Variants in PCDHA1 observed in about 807,000 individuals in gnomAD.
PCDHA1 encodes protocadherin alpha 1.
In PCDHA1, 42 loss-of-function variants were observed where a neutral mutation model predicts 61.3. The ratio of observed to expected loss-of-function variants is 0.69; its 90% CI spans 0.54 to 0.89. The LOEUF (loss-of-function observed/expected upper bound fraction) is 0.89, where lower values mean the gene tolerates loss of function less well. Ranked by LOEUF, PCDHA1 falls within the 40% of genes least tolerant of loss-of-function variation. The pLI is 0.00. For synonymous variants in PCDHA1, 610 were observed against 553.8 expected, an observed-to-expected ratio of 1.10 and a Z score of -1.43; for missense variants, 1,256 against 1,235.3, an observed-to-expected ratio of 1.02 and a Z score of -0.25.
chr5:140,886,558 T>G (rs535461538), intron 1 of PCDHA1, among the ~76,000 whole-genome samples: 1 of 152,202 alleles, frequency 6.6e-6, no homozygotes, highest in South Asian at 2.1e-4. Flanking sequence ...CTGGGCACGG[T>G]GGCTCACGCC....
At chr5:140,829,216 C>T (rs2150164003) in intron 1 of PCDHA1, 2 of 1,614,120 alleles carry the variant, frequency 1.2e-6, no homozygotes, top group African/African-American at 2.7e-5. Context: ...TTAGCGTGAA[C>T]GACCTCGATT....
chr5:140,793,496 A>G (rs1273355838), intron 1 of PCDHA1, among the ~76,000 whole-genome samples: 1 of 152,244 alleles, frequency 6.6e-6, no homozygotes, highest in African/African-American at 2.4e-5. Context: ...AAAAAAAGCT[A>G]GCTTTTCTTA....
chr5:140,809,916 T>C (rs1444779930), intron 1 of PCDHA1: 1 of 176,006 alleles, frequency 5.7e-6, no homozygotes, highest in Non-Finnish European at 1.2e-5. Flanking sequence ...GCTGAAATAA[T>C]AAAGCTCCAT....
intron 1 of PCDHA1, chr5:140,804,934 T>A: frequency 1.7e-6 from 2 of 1,152,230 alleles, no homozygotes. Flanking sequence ...GCACTATCCT[T>A]TGTTGCTCCC....
intron 1 of PCDHA1, chr5:140,867,978 C>T (rs1283630691): frequency 6.6e-6 from 1 of 152,064 alleles, no homozygotes; most frequent in East Asian, 1.9e-4. Flanking sequence ...CAACAAGAAA[C>T]AAACTATTTT....
At chr5:140,940,611 C>T (rs782735444) in intron 1 of PCDHA1, among the ~76,000 whole-genome samples, 1 of 152,144 alleles carries the variant, frequency 6.6e-6, no homozygotes. Flanking sequence ...CTGCTCCTGG[C>T]TCCTGCAAAT....
intron 1 of PCDHA1, chr5:140,795,048 C>T: frequency 1.2e-6 from 2 of 1,613,822 alleles, no homozygotes; most frequent in Non-Finnish European, 1.7e-6. Flanking sequence ...AGGTGGGGAG[C>T]GGCCAGCTCC....
chr5:140,811,717 T>C (rs1554125800), intron 1 of PCDHA1: 5 of 152,228 alleles, frequency 3.3e-5, no homozygotes, highest in Non-Finnish European at 7.3e-5. Context: ...TGGTATCTCA[T>C]TGTGGTTTTG....
chr5:140,897,349 A>G (rs539353387), intron 1 of PCDHA1, among the ~76,000 whole-genome samples: 33 of 107,320 alleles, frequency 3.1e-4, no homozygotes, highest in African/African-American at 1.0e-3. Flanking sequence ...CCACCCCACA[A>G]CTGTCCCCAG....
At position 140,842,875 on chromosome 5, in the gene PCDHA1, C is replaced by T. The variant is rs2150347019; in HGVS notation, c.2394+54191C>T. ...TGCACACGGAGAGCGGCAAGGTGTA[C>T]GCGCTGCAGCCGCTGGACCACGAGG... is the stretch of plus-strand genomic sequence containing the variant. On this transcript the variant is annotated intron_variant, in intron 1 of 3. Transcript: ENST00000504120. 2.5e-6 allele frequency: 4 copies of T among 1,593,864 alleles called. No homozygotes were observed. In the African/African-American group the frequency reaches 4.0e-5, roughly 16 times the overall value.
intron 1 of PCDHA1, among the ~76,000 whole-genome samples, chr5:140,941,193 TTCTTTCTTC>T (rs1563183581): frequency 8.6e-6 from 1 of 116,638 alleles, no homozygotes; most frequent in Non-Finnish European, 1.8e-5. Flanking sequence ...TTCTTTTTTT[TTCTTTCTTC>T]CTTTCTTTCT....
intron 1 of PCDHA1, among the ~76,000 whole-genome samples, chr5:140,905,373 G>A (rs556428182): frequency 6.6e-6 from 1 of 152,118 alleles, no homozygotes; most frequent in East Asian, 1.9e-4. Context: ...CTGGTTCTCT[G>A]TTCTGTTTCA....
intron 1 of PCDHA1, chr5:140,808,943 G>C: frequency 1.9e-6 from 3 of 1,613,730 alleles, no homozygotes; most frequent in Non-Finnish European, 1.7e-6. Context: ...ATGGTCGGTG[G>C]GTGTGGGCCA....
Position 140,838,464 on chromosome 5 carries a change from C to T in PCDHA1, c.2394+49780C>T, listed in dbSNP as rs2150289742. Among the ~76,000 whole-genome samples the T allele has an allele frequency of 1.1e-4, 16 of 151,566 alleles. 1 individual carries two copies. In the South Asian group the frequency reaches 2.5e-3, roughly 24 times the overall value. ...GTTTTGTGGCATATTATTTCATTAG[C>T]GCTTATTCCTTGTTTTTGATTATTT... is the stretch of plus-strand genomic sequence containing the variant. On this transcript the variant is annotated intron_variant, in intron 1 of 3. Coordinates refer to ENST00000504120, the MANE Select transcript of PCDHA1 (RefSeq NM_018900.4).
At position 140,788,569 on chromosome 5, in the gene PCDHA1, C is replaced by G. The variant is rs782023470; in HGVS notation, c.2279C>G (p.Ser760Cys). ...NSQQRRQRVC[S>C]SEGPPKTDLM... The stretch of plus-strand genomic sequence containing the variant: ...CAGCAGAGGCGGCAGAGGGTGTGCT[C>G]TAGCGAGGGCCCACCCAAGACCGAC... Residue 760 changes from serine (S) to cysteine (C), a missense_variant, in exon 1 of 4, where the codon TCT (serine) becomes TGT (cysteine). Transcript: ENST00000504120. The G allele has an allele frequency of 6.2e-7, 1 of 1,614,176 alleles. No individual in the cohort carries two copies. Among genetic ancestry groups the G allele is most frequent in the Non-Finnish European group, 8.5e-7 (1 of 1,180,002 alleles).
At chr5:140,800,112 C>G (rs552982615) in intron 1 of PCDHA1, among the ~76,000 whole-genome samples, 2 of 152,010 alleles carry the variant, frequency 1.3e-5, no homozygotes, top group African/African-American at 4.8e-5. Context: ...TCATCAAAAA[C>G]GTAATTACTT....
At chr5:140,829,633 C>G in intron 1 of PCDHA1, 1 of 1,612,272 alleles carries the variant, frequency 6.2e-7, no homozygotes, top group Non-Finnish European at 8.5e-7. Context: ...ACGCGGAGAG[C>G]GGCAAGGTGT....
At position 140,822,973 on chromosome 5, in the gene PCDHA1, T is replaced by C. The variant is rs2150120901; in HGVS notation, c.2394+34289T>C. 64 of 1,614,248 alleles carry C rather than the reference T, an allele frequency of 4.0e-5. 1 individual carries two copies. The South Asian group carries it at 6.6e-4, about 17-fold the overall frequency. On this transcript the variant is annotated intron_variant, in intron 1 of 3. Coordinates refer to ENST00000504120, the MANE Select transcript of PCDHA1 (RefSeq NM_018900.4). ...CGTTCCCTTCAAGCTGGTGTCCACC[T>C]TCAAGAATTACTACTCGTTGGTGCT...
rs2150164384 is a variant in PCDHA1 at position 140,829,233 on chromosome 5, C to G, written c.2394+40549C>G. On this transcript the variant is annotated intron_variant, in intron 1 of 3. Transcript: ENST00000504120. The stretch of plus-strand genomic sequence containing the variant: ...AGCGTGAACGACCTCGATTCAGGTG[C>G]CAACGGGCAGGTGAACTGCTCGCTG... The G allele has an allele frequency of 3.1e-6, 5 of 1,614,254 alleles. No individual in the cohort carries two copies. In the Admixed American group the frequency reaches 8.3e-5, roughly 27 times the overall value.
Sources: gnomAD v4.1 joint callset for allele counts (sites outside exome capture counted in the v4.1 genomes callset) on GRCh38, gnomAD v4.1.1 for gene constraint, MANE v1.5 for transcripts, NCBI Gene and HGNC (gene_info 2026-07-23, HGNC 2026-07-21) for gene names.